ZPLD1: variants seen among roughly 807,000 people sequenced by gnomAD.
ZPLD1 encodes zona pellucida like domain containing 1.
Under a neutral mutation model 47.2 loss-of-function variants are expected in ZPLD1, and 34 were observed. The ratio of observed to expected loss-of-function variants is 0.72; its 90% CI spans 0.55 to 0.96. The LOEUF (loss-of-function observed/expected upper bound fraction) is 0.96, where lower values mean the gene tolerates loss of function less well. Ranked by LOEUF, ZPLD1 falls within the 40% of genes least tolerant of loss-of-function variation. ZPLD1 has a pLI of 0.00. For missense variants in ZPLD1, 512 were observed against 505.8 expected (o/e 1.01, Z -0.12); for synonymous variants, 176 against 186.2 (o/e 0.95, Z 0.45).
Position 102,453,126 on chromosome 3 carries a change from G to T in ZPLD1, c.314G>T (p.Gly105Val), listed in dbSNP as rs1406758942. 6.2e-7 allele frequency: 1 copy of T among 1,613,908 alleles called. No individual in the cohort carries two copies. The highest frequency in any genetic ancestry group is 1.1e-5 in the South Asian group (1 of 91,066). ...AATCTCAGCACCTTGGAGGGCTGTG[G>T]AAACAACCTGGTGGTAAGATTAGTG... ...IINLSTLEGCGNNLVVSTIPG... is the reference protein window; with the variant it reads ...IINLSTLEGCVNNLVVSTIPG... The change falls in exon 4 of 12, where the codon GGA becomes GTA. Residue 105 changes from glycine to valine, a missense_variant. Gly to Val is a moderately radical substitution (Grantham distance 109). Coordinates refer to ENST00000466937, the MANE Select transcript of ZPLD1 (RefSeq NM_001329788.2).
chr3:102,469,075 T>G lies in ZPLD1; in HGVS notation c.873T>G (p.Thr291=), dbSNP rs767880480. 14 of 1,614,088 alleles carry G rather than the reference T, an allele frequency of 8.7e-6. No homozygotes were observed. The highest frequency in any genetic ancestry group is 1.1e-5 in the Non-Finnish European group (13 of 1,180,016). Residue 291 remains threonine, a synonymous_variant, in exon 9 of 12, where the codon ACT becomes ACG. Coordinates refer to ENST00000466937, the MANE Select transcript of ZPLD1 (RefSeq NM_001329788.2). Reference sequence around the variant, plus strand: ...AACACAAGAATCAGAAAATGTCCACTGTCTTCTTGCACTGCGTTACCAAGC... The same window carrying G: ...AACACAAGAATCAGAAAATGTCCACGGTCTTCTTGCACTGCGTTACCAAGC... ...FVKHKNQKMS[T]VFLHCVTKLC...
intron 7 of ZPLD1, among the ~76,000 whole-genome samples, chr3:102,411,774 G>T (rs1465554175): frequency 1.3e-5 from 2 of 151,840 alleles, no homozygotes; most frequent in Non-Finnish European, 2.9e-5. Context: ...GGATAGGAGA[G>T]ATGGAGTTTA....
At chr3:102,419,818 T>A (rs1706854644) in intron 8 of ZPLD1, among the ~76,000 whole-genome samples, 1 of 151,862 alleles carries the variant, frequency 6.6e-6, no homozygotes, top group Admixed American at 6.6e-5. Context: ...AGAATGATAA[T>A]CTTTTGTCTC....
chr3:102,405,044 A>T (rs1706665556), intron 7 of ZPLD1, among the ~76,000 whole-genome samples: 2 of 152,020 alleles, frequency 1.3e-5, no homozygotes, highest in Admixed American at 1.3e-4. Context: ...CTGCTGTGAT[A>T]TTCCTTTAAC....
At position 102,405,689 on chromosome 3, in the gene ZPLD1, C is replaced by G. The variant is rs61075432; in HGVS notation, c.-156-12371C>G. Among the ~76,000 whole-genome samples the G allele has an allele frequency of 4.6e-3, 707 of 152,124 alleles. 33 individuals are homozygous for G. In the East Asian group the frequency reaches 0.11, roughly 24 times the overall value. ...ATGTTCCATCAGTGTCAGCTATAACCAGATAGACCAGTTGTTTCTAATTCT... is the reference window on the plus strand; with the variant it reads ...ATGTTCCATCAGTGTCAGCTATAACGAGATAGACCAGTTGTTTCTAATTCT... On this transcript the variant is annotated intron_variant, in intron 7 of 17. Coordinates refer to the ZPLD1 transcript ENST00000491959.
chr3:102,401,830 GC>G (rs1387197565), intron 7 of ZPLD1, among the ~76,000 whole-genome samples: 1 of 151,892 alleles, frequency 6.6e-6, no homozygotes, highest in Non-Finnish European at 1.5e-5. Flanking sequence ...TTAGTATTTG[GC>G]ACAAAAACTG....
At chr3:102,422,364 T>C (rs1706890794) in intron 8 of ZPLD1, among the ~76,000 whole-genome samples, 1 of 152,022 alleles carries the variant, frequency 6.6e-6, no homozygotes, top group African/African-American at 2.4e-5. Context: ...TGGTATATAG[T>C]GGATAGAAGC....
intron 7 of ZPLD1, among the ~76,000 whole-genome samples, chr3:102,405,131 T>C (rs780704450): frequency 6.6e-6 from 1 of 151,974 alleles, no homozygotes; most frequent in Non-Finnish European, 1.5e-5. Context: ...GAGAAAAGCG[T>C]TTGTTTTATG....
chr3:102,459,044 A>C (rs367567341), intron 6 of ZPLD1, among the ~76,000 whole-genome samples: 24 of 140,276 alleles, frequency 1.7e-4, no homozygotes, highest in African/African-American at 2.7e-4. Flanking sequence ...GAGCCGAGAT[A>C]GCACCACTGC....
chr3:102,462,395 G>T lies in ZPLD1; in HGVS notation c.680+17G>T. 3.8e-6 allele frequency: 6 copies of T among 1,564,668 alleles called. No homozygotes were observed. The highest frequency in any genetic ancestry group is 5.3e-6 in the Non-Finnish European group (6 of 1,142,310). On this transcript the variant is annotated intron_variant, in intron 7 of 11. Transcript: ENST00000466937. ...GGATGGCAGGTAATTTCAAACTCTT[G>T]TCTTTTTTAGGTTAAAACTCTTTGA...
chr3:102,456,624 A>G (rs1707421970), intron 5 of ZPLD1, among the ~76,000 whole-genome samples: 1 of 151,326 alleles, frequency 6.6e-6, no homozygotes, highest in Non-Finnish European at 1.5e-5. Context: ...ACAGACCCAA[A>G]CCAGTTTTTC....
rs557101185 is a variant in ZPLD1 at position 102,453,782 on chromosome 3, C to T, written c.327+643C>T. Reference sequence around the variant, plus strand: ...AAACATCTCTTCAAACATTTCCACCCTGAATTAGAAATACTAGTTTGTAGC... The same window carrying T: ...AAACATCTCTTCAAACATTTCCACCTTGAATTAGAAATACTAGTTTGTAGC... On this transcript the variant is annotated intron_variant, in intron 4 of 11. Transcript: ENST00000466937. Among the ~76,000 whole-genome samples, 46 of 152,248 alleles carry T rather than the reference C, an allele frequency of 3.0e-4. 1 individual carries two copies. The South Asian group carries it at 9.6e-3, about 32-fold the overall frequency.
At chr3:102,462,255 TA>T in intron 6 of ZPLD1, 25 bp from the exon 7 acceptor site, 9 of 1,470,694 alleles carry the variant, frequency 6.1e-6, no homozygotes, top group Non-Finnish European at 8.5e-6. Flanking sequence ...GAGGTAATAA[TA>T]GATTTTTTAT....
Position 102,453,123 on chromosome 3 carries a change from G to C in ZPLD1, c.311G>C (p.Cys104Ser), listed in dbSNP as rs1707364130. 6.2e-7 allele frequency: 1 copy of C among 1,613,986 alleles called. No homozygotes were observed. The highest frequency in any genetic ancestry group is 2.2e-5 in the East Asian group (1 of 44,876). Reference protein sequence around the residue: ...FIINLSTLEGCGNNLVVSTIP... With the variant: ...FIINLSTLEGSGNNLVVSTIP... ...ATCAATCTCAGCACCTTGGAGGGCT[G>C]TGGAAACAACCTGGTGGTAAGATTA... Residue 104 changes from cysteine to serine, a missense_variant, in exon 4 of 12, where the codon TGT (cysteine) becomes TCT (serine). Cys to Ser is a moderately radical substitution (Grantham distance 112, BLOSUM62 -1). Coordinates refer to ENST00000466937, the MANE Select transcript of ZPLD1 (RefSeq NM_001329788.2).
In ZPLD1 at chr3:102,452,930, A is replaced by C. The variant is rs752841241; in HGVS notation, c.118A>C (p.Ile40Leu). 6.2e-7 allele frequency: 1 copy of C among 1,614,010 alleles called. No individual in the cohort carries two copies. Residue 40 changes from isoleucine (I) to leucine (L), a missense_variant, in exon 4 of 12, where the codon ATC becomes CTC. Physicochemically the swap from Ile to Leu is conservative, Grantham distance 5. Transcript: ENST00000466937. ...LHSRFPAERD[I>L]SVYCGVQAIT... The stretch of plus-strand genomic sequence containing the variant: ...TATTTTTATTTCAGCTGAAAGAGAC[A>C]TCAGTGTCTATTGTGGAGTGCAGGC...
intron 6 of ZPLD1, among the ~76,000 whole-genome samples, chr3:102,458,555 T>G (rs559241744): frequency 6.6e-6 from 1 of 152,338 alleles, no homozygotes; most frequent in South Asian, 2.1e-4. Context: ...GAATCGGATT[T>G]TTGCATTATT....
intron 8 of ZPLD1, among the ~76,000 whole-genome samples, chr3:102,424,540 A>G (rs1321467329): frequency 6.6e-6 from 1 of 152,110 alleles, no homozygotes; most frequent in Admixed American, 6.6e-5. Flanking sequence ...TTGGAATGCC[A>G]ATTTCCTCTT....
intron 3 of ZPLD1, among the ~76,000 whole-genome samples, chr3:102,446,619 AG>A (rs1000081226): frequency 6.6e-6 from 1 of 152,100 alleles, no homozygotes; most frequent in African/African-American, 2.4e-5. Flanking sequence ...CACTCATCAA[AG>A]CTACAAACCT....
chr3:102,477,011 G>T lies in ZPLD1; in HGVS notation c.1043-1G>T, dbSNP rs1172759295. 5 of 1,613,328 alleles carry T rather than the reference G, an allele frequency of 3.1e-6. No homozygotes were observed. The highest frequency in any genetic ancestry group is 4.2e-6 in the Non-Finnish European group (5 of 1,179,576). The stretch of plus-strand genomic sequence containing the variant: ...TCTCTTTTTCTGTTTTTTCCCCTCA[G>T]ATGAGACTCCAACCAACAATTCGCA... On this transcript the variant is annotated splice_acceptor_variant, in intron 10 of 11. Coordinates refer to ENST00000466937, the MANE Select transcript of ZPLD1 (RefSeq NM_001329788.2). LOFTEE classifies it high-confidence loss of function.
Sources: allele counts gnomAD v4.1 joint callset (sites outside exome capture counted in the v4.1 genomes callset), GRCh38; gene constraint gnomAD v4.1.1; transcripts MANE v1.5; gene names NCBI Gene and HGNC (gene_info 2026-07-23, HGNC 2026-07-21).